Variants in OSBPL1A observed in about 807,000 individuals in gnomAD.
The protein encoded by OSBPL1A is oxysterol binding protein like 1A.
OSBPL1A carries 80 observed loss-of-function variants against 137.1 expected under a neutral mutation model. That is an observed-to-expected ratio of 0.58 (90% CI 0.49 to 0.70). OSBPL1A has a LOEUF of 0.70. Ranked by LOEUF, OSBPL1A falls within the 30% of genes least tolerant of loss-of-function variation. OSBPL1A has a pLI of 0.00. For missense variants in OSBPL1A, 970 were observed against 1,129.4 expected (o/e 0.86, Z 2.02); for synonymous variants, 365 against 389.7 (o/e 0.94, Z 0.75).
At chr18:24,379,995 A>T (rs1159321963) in intron 1 of OSBPL1A, among the ~76,000 whole-genome samples, 1 of 152,238 alleles carries the variant, frequency 6.6e-6, no homozygotes, top group Non-Finnish European at 1.5e-5. Context: ...GAAATTTTAG[A>T]ACTTTGGTAA....
chr18:24,191,062 A>T (rs1296200893), intron 18 of OSBPL1A, among the ~76,000 whole-genome samples: 1 of 152,238 alleles, frequency 6.6e-6, no homozygotes, highest in African/African-American at 2.4e-5. Flanking sequence ...CTTTCTCAGT[A>T]TTGCAAGGTA....
intron 22 of OSBPL1A, among the ~76,000 whole-genome samples, 157 bp downstream of exon 22, chr18:24,172,219 G>A (rs776249950): frequency 2.0e-4 from 30 of 152,256 alleles, no homozygotes; most frequent in South Asian, 4.1e-4. Flanking sequence ...GATTACAGGC[G>A]TGAGCCACCG....
At chr18:24,220,534 C>T (rs2087855966) in intron 17 of OSBPL1A, among the ~76,000 whole-genome samples, 1 of 152,196 alleles carries the variant, frequency 6.6e-6, no homozygotes, top group Non-Finnish European at 1.5e-5. Context: ...CCCCAGCCCT[C>T]ACCACAAATC....
intron 4 of OSBPL1A, chr18:24,364,695 T>C (rs1395835551): frequency 6.6e-6 from 1 of 151,938 alleles, no homozygotes; most frequent in Non-Finnish European, 1.5e-5. Flanking sequence ...GGCTGGTTAA[T>C]ACATTTAAGA....
intron 15 of OSBPL1A, among the ~76,000 whole-genome samples, chr18:24,250,015 AGGAGAAGAG>A (rs2089026836): frequency 6.6e-6 from 1 of 152,160 alleles, no homozygotes; most frequent in African/African-American, 2.4e-5. Flanking sequence ...CTTCTGCTTA[AGGAGAAGAG>A]GGCGAAGAGT....
intron 4 of OSBPL1A, chr18:24,357,250 C>G (rs1285170039): frequency 1.3e-5 from 2 of 152,102 alleles, no homozygotes; most frequent in African/African-American, 4.8e-5. Context: ...GAGAAGTACA[C>G]AATTTTCAGG....
intron 9 of OSBPL1A, 97 bp downstream of exon 9, chr18:24,318,504 A>G (rs2090778338): frequency 1.9e-6 from 2 of 1,045,836 alleles, no homozygotes; most frequent in Non-Finnish European, 2.8e-6. Flanking sequence ...TAAATCACAT[A>G]TACTTCAGAA....
intron 16 of OSBPL1A, among the ~76,000 whole-genome samples, chr18:24,232,185 C>T (rs1253154398): frequency 6.6e-6 from 1 of 152,120 alleles, no homozygotes; most frequent in Admixed American, 6.5e-5. Context: ...AGAAATAGCA[C>T]AGTAAATATG....
intron 27 of OSBPL1A, among the ~76,000 whole-genome samples, chr18:24,163,807 A>C (rs1490568367): frequency 1.3e-5 from 2 of 151,348 alleles, no homozygotes; most frequent in East Asian, 3.9e-4. Flanking sequence ...CTCTCAGCTC[A>C]CTGCAACCTC....
At chr18:24,365,546 T>G (rs2146192058) in intron 4 of OSBPL1A, among the ~76,000 whole-genome samples, 1 of 149,060 alleles carries the variant, frequency 6.7e-6, no homozygotes, top group Admixed American at 6.7e-5. Context: ...ATCACACCAC[T>G]GCACTCCAAC....
At chr18:24,369,126 A>G (rs968146756) in intron 2 of OSBPL1A, among the ~76,000 whole-genome samples, 24 of 152,152 alleles carry the variant, frequency 1.6e-4, no homozygotes, top group African/African-American at 2.4e-5. Flanking sequence ...AAAATGGACT[A>G]ATACGATTTG....
At chr18:24,321,839 C>A (rs963859577) in intron 7 of OSBPL1A, 1 of 400,568 alleles carries the variant, frequency 2.5e-6, no homozygotes, top group African/African-American at 2.1e-5. Context: ...ACAGAGTGGC[C>A]ATTATTGCTA....
chr18:24,303,134 G>A (rs1295947361), intron 14 of OSBPL1A, among the ~76,000 whole-genome samples: 1 of 152,036 alleles, frequency 6.6e-6, no homozygotes. Context: ...CCGAGTAGCT[G>A]GGATTACAAG....
At chr18:24,210,077 A>G (rs967197304) in intron 17 of OSBPL1A, among the ~76,000 whole-genome samples, 7 of 152,232 alleles carry the variant, frequency 4.6e-5, no homozygotes, top group Admixed American at 6.5e-5. Context: ...TTGTTGCTAT[A>G]GATTAGCATT....
rs566901959 is a variant in OSBPL1A at position 24,370,752 on chromosome 18, T to C, written c.122-2380A>G. On this transcript the variant is annotated intron_variant, in intron 2 of 27. Coordinates refer to ENST00000319481, the MANE Select transcript of OSBPL1A (RefSeq NM_080597.4). Reference sequence around the variant, plus strand: ...GCACAATCACATCTCACTGCAGCCTTTACCTCCTGGGCTCAAGCAACTCTC... The same window carrying C: ...GCACAATCACATCTCACTGCAGCCTCTACCTCCTGGGCTCAAGCAACTCTC... Among the ~76,000 whole-genome samples, 25 of 152,202 alleles carry C rather than the reference T, an allele frequency of 1.6e-4. No homozygotes were observed. In the East Asian group the frequency reaches 2.7e-3, roughly 16 times the overall value.
chr18:24,321,112 A>G (rs1056311819), intron 7 of OSBPL1A, among the ~76,000 whole-genome samples: 1 of 152,038 alleles, frequency 6.6e-6, no homozygotes, highest in Admixed American at 6.6e-5. Context: ...ATTTTGATAA[A>G]TTACTAGAAT....
intron 17 of OSBPL1A, among the ~76,000 whole-genome samples, chr18:24,199,214 G>A (rs1046513445): frequency 6.6e-6 from 1 of 152,042 alleles, no homozygotes; most frequent in African/African-American, 2.4e-5. Context: ...ACTGATCCGA[G>A]GCGAGGCAAA....
chr18:24,230,217 G>A (rs9964892), intron 16 of OSBPL1A, among the ~76,000 whole-genome samples: 6,731 of 152,194 alleles, frequency 0.044, 472 homozygotes, highest in African/African-American at 0.15. Flanking sequence ...GTTAGGCCAC[G>A]ACACTCAGGC....
chr18:24,237,172 C>T (rs2088510196), intron 16 of OSBPL1A, among the ~76,000 whole-genome samples: 1 of 152,128 alleles, frequency 6.6e-6, no homozygotes, highest in Non-Finnish European at 1.5e-5. Flanking sequence ...GGCTGTTAAT[C>T]AGAACCTCTG....
Sources: gnomAD v4.1 joint callset for allele counts (sites outside exome capture counted in the v4.1 genomes callset) on GRCh38, gnomAD v4.1.1 for gene constraint, MANE v1.5 for transcripts, NCBI Gene and HGNC (gene_info 2026-07-23, HGNC 2026-07-21) for gene names.